Variants in ASAP3 observed in about 807,000 individuals in gnomAD.
ASAP3 encodes the protein arf-GAP with SH3 domain, ANK repeat and PH domain-containing protein 3.
ASAP3 carries 85 observed loss-of-function variants against 118.2 expected under a neutral mutation model. That is an observed-to-expected ratio of 0.72 (90% CI 0.60 to 0.86). The LOEUF (loss-of-function observed/expected upper bound fraction) is 0.86. Ranked by LOEUF, ASAP3 falls within the 40% of genes least tolerant of loss-of-function variation. ASAP3 has a pLI of 0.00. For synonymous variants in ASAP3, 432 were observed against 477.4 expected (o/e 0.90, Z 1.24); for missense variants, 1,026 against 1,175.0 (o/e 0.87, Z 1.85).
At chr1:23,470,198 C>G (rs1026063324) in intron 1 of ASAP3, among the ~76,000 whole-genome samples, 7 of 152,178 alleles carry the variant, frequency 4.6e-5, no homozygotes, top group African/African-American at 1.7e-4. Context: ...GACACGAGCT[C>G]TAAATCCCCT....
chr1:23,454,187 T>A (rs533923085), intron 3 of ASAP3, among the ~76,000 whole-genome samples: 2 of 7,138 alleles, frequency 2.8e-4, no homozygotes, highest in African/African-American at 3.8e-4. Flanking sequence ...CACCTGGCAT[T>A]TTTTTTTTTT....
At chr1:23,453,332 CA>C (rs78470816) in intron 3 of ASAP3, among the ~76,000 whole-genome samples, 14,835 of 152,176 alleles carry the variant, frequency 0.097, 840 homozygotes, top group Middle Eastern at 0.13. Flanking sequence ...CAGATCTGAG[CA>C]GGGCACCCCA....
chr1:23,433,368 C>G (rs1640516132), intron 21 of ASAP3, 57 bp downstream of exon 21: 3 of 1,613,596 alleles, frequency 1.9e-6, no homozygotes, highest in Middle Eastern at 1.6e-4. Context: ...ACACCAGGCC[C>G]AATCTGGCTC....
At chr1:23,450,516 A>T (rs1031224616) in intron 5 of ASAP3, among the ~76,000 whole-genome samples, 4 of 152,060 alleles carry the variant, frequency 2.6e-5, no homozygotes, top group Non-Finnish European at 4.4e-5. Flanking sequence ...TTAGGCTTGA[A>T]AATTAAGAAT....
chr1:23,451,562 G>A, intron 4 of ASAP3, 34 bp from the exon 5 acceptor site: 1 of 1,605,900 alleles, frequency 6.2e-7, no homozygotes, highest in Non-Finnish European at 8.5e-7. Flanking sequence ...TGCCCAGAGG[G>A]AAGCTGGAGC....
chr1:23,483,879 G>A (rs1233627781), intron 1 of ASAP3, 126 bp downstream of exon 1: 1 of 1,036,314 alleles, frequency 9.6e-7, no homozygotes, highest in Non-Finnish European at 1.2e-6. Flanking sequence ...GGTCCTCCCA[G>A]ACCTAGGGAG....
At chr1:23,472,485 T>C (rs915527145) in intron 1 of ASAP3, among the ~76,000 whole-genome samples, 5 of 152,166 alleles carry the variant, frequency 3.3e-5, no homozygotes, top group African/African-American at 7.2e-5. Flanking sequence ...CAGCAAATGT[T>C]TGACAAAGAA....
At chr1:23,460,851 T>C (rs890033239) in intron 1 of ASAP3, among the ~76,000 whole-genome samples, 9 of 152,208 alleles carry the variant, frequency 5.9e-5, no homozygotes, top group African/African-American at 2.2e-4. Context: ...GAAATTGTCA[T>C]GCATCCAGAG....
chr1:23,450,230 A>C (rs1212928499), intron 5 of ASAP3, among the ~76,000 whole-genome samples: 1 of 152,230 alleles, frequency 6.6e-6, no homozygotes, highest in Non-Finnish European at 1.5e-5. Context: ...CTACTTCTTG[A>C]AATTGATCCT....
chr1:23,462,219 T>C (rs915475113), intron 1 of ASAP3, among the ~76,000 whole-genome samples: 1 of 150,574 alleles, frequency 6.6e-6, no homozygotes, highest in African/African-American at 2.4e-5. Flanking sequence ...AGAGACGGGG[T>C]TTCACCGTGT....
chr1:23,436,632 G>A lies in ASAP3; in HGVS notation c.1499C>T (p.Thr500Met), dbSNP rs750474928. ...ELLLALNMGN[T>M]SFNEVMEAQL... ...GGCCTCCATGACCTCATTGAAGCTC[G>A]TGTTTCCCATGTTCAAGGCCAGCTG... The change falls in exon 16 of 25, where the codon ACG becomes ATG. Residue 500 changes from threonine (T) to methionine (M), a missense_variant. By Grantham distance (81) the Thr-to-Met change is moderately conservative (BLOSUM62 -1). Coordinates refer to ENST00000336689, the MANE Select transcript of ASAP3 (RefSeq NM_017707.4). The surrounding 1 kb of genome is among the most constrained non-coding windows in gnomAD (Gnocchi z 4.2). The A allele has an allele frequency of 2.5e-6, 4 of 1,614,218 alleles. No homozygotes were observed. Among genetic ancestry groups the A allele is most frequent in the Non-Finnish European group, 3.4e-6 (4 of 1,180,030 alleles).
intron 17 of ASAP3, among the ~76,000 whole-genome samples, chr1:23,435,569 C>G (rs1640607856): frequency 6.6e-6 from 1 of 152,238 alleles, no homozygotes. Context: ...TGACTTCTCA[C>G]TTCATCACCG....
chr1:23,464,826 A>G (rs186673201), intron 1 of ASAP3, among the ~76,000 whole-genome samples: 1 of 152,212 alleles, frequency 6.6e-6, no homozygotes, highest in East Asian at 1.9e-4. Flanking sequence ...GAATCAGAAA[A>G]TCTGGGGGTG....
chr1:23,458,578 T>C (rs886778919), intron 1 of ASAP3, among the ~76,000 whole-genome samples: 11 of 151,774 alleles, frequency 7.2e-5, no homozygotes, highest in African/African-American at 2.7e-4. Flanking sequence ...CCAGCATGGG[T>C]GACAGAGAGA....
intron 3 of ASAP3, among the ~76,000 whole-genome samples, chr1:23,453,714 C>T (rs1292893570): frequency 1.3e-5 from 2 of 152,198 alleles, no homozygotes; most frequent in Non-Finnish European, 2.9e-5. Context: ...TCTCTCCTGG[C>T]TACTCCTCCC....
At chr1:23,442,070 G>T in intron 7 of ASAP3, 116 bp downstream of exon 7, 1 of 1,131,534 alleles carries the variant, frequency 8.8e-7, no homozygotes, top group South Asian at 1.3e-5. Context: ...AACTATGAAA[G>T]TTCTGCCAAA....
Position 23,438,680 on chromosome 1 carries a change from A to G in ASAP3, c.1102+67T>C. On this transcript the variant is annotated intron_variant, in intron 12 of 24. Transcript: ENST00000336689. The surrounding 1 kb of genome is among the most constrained non-coding windows in gnomAD (Gnocchi z 4.9). ...AGACCCCTCACTGAAGCCCCCCGGG[A>G]GCTGACAGGTGTCTTAGAGAAGCCC... 1 of 1,445,470 alleles carries G rather than the reference A, an allele frequency of 6.9e-7. No homozygotes were observed. Among genetic ancestry groups the G allele is most frequent in the Non-Finnish European group, 9.7e-7 (1 of 1,031,542 alleles). The allele number at this position is 1,445,470 out of a possible 1,614,324, so 89.5% of individuals were successfully genotyped here. A position where few individuals can be genotyped will look rare whatever the true frequency, so the allele number is the denominator to read the frequency against.
At position 23,433,267 on chromosome 1, in the gene ASAP3, G is replaced by C. The variant is rs572873506; in HGVS notation, c.2133C>G (p.Cys711Trp). ...DSEEDEEEKR[C>W]LLKLPAQAHW... ...GAGCCTGGGCCGGGAGCTTCAGCAAGCAGCGCTGCCAGAGCAAAAGATTGA... is the reference window on the plus strand; with the variant it reads ...GAGCCTGGGCCGGGAGCTTCAGCAACCAGCGCTGCCAGAGCAAAAGATTGA... The change falls in exon 22 of 25, where the codon TGC becomes TGG. Residue 711 changes from cysteine to tryptophan, a missense_variant. Cys to Trp is a radical substitution (Grantham distance 215, BLOSUM62 -2). Coordinates refer to ENST00000336689, the MANE Select transcript of ASAP3 (RefSeq NM_017707.4). The C allele has an allele frequency of 1.2e-6, 2 of 1,607,222 alleles. No individual in the cohort carries two copies. Among genetic ancestry groups the C allele is most frequent in the Non-Finnish European group, 1.7e-6 (2 of 1,176,012 alleles).
In ASAP3 at chr1:23,436,528, C is replaced by A; in HGVS notation, c.1571+32G>T. 1 of 1,609,298 alleles carries A rather than the reference C, an allele frequency of 6.2e-7. No homozygotes were observed. Among genetic ancestry groups the A allele is most frequent in the Non-Finnish European group, 8.5e-7 (1 of 1,175,652 alleles). ...CACTGCGGAGGCAGAATCCCCTAGG[C>A]AGGGTGCCCCTCTCTCTGAGAATCC... is the stretch of plus-strand genomic sequence containing the variant. On this transcript the variant is annotated intron_variant, in intron 16 of 24. Transcript: ENST00000336689. This position sits in a 1 kb window ranked among gnomAD's most constrained non-coding sequence, Gnocchi z 4.2.
Sources: allele counts gnomAD v4.1 joint callset (sites outside exome capture counted in the v4.1 genomes callset), GRCh38; gene constraint gnomAD v4.1.1; non-coding constraint Gnocchi (gnomAD v3.1); transcripts MANE v1.5; gene names NCBI Gene and HGNC (gene_info 2026-07-23, HGNC 2026-07-21).